ZCCHC8: variants seen among roughly 807,000 people sequenced by gnomAD.
The protein encoded by ZCCHC8 is zinc finger CCHC domain-containing protein 8.
ZCCHC8 carries 27 observed loss-of-function variants against 70.6 expected under a neutral mutation model. The ratio of observed to expected loss-of-function variants is 0.38; its 90% CI spans 0.28 to 0.53. The LOEUF (loss-of-function observed/expected upper bound fraction) is 0.53. ZCCHC8 is among the 20% of genes least tolerant of loss of function. ZCCHC8 has a pLI of 0.81. For missense variants in ZCCHC8, 737 were observed against 876.9 expected, an observed-to-expected ratio of 0.84 and a Z score of 2.01; for synonymous variants, 293 against 317.4, an observed-to-expected ratio of 0.92 and a Z score of 0.82.
Position 122,500,721 on chromosome 12 carries a change from GTCC to G in ZCCHC8, c.117_119del (p.Glu39del), listed in dbSNP as rs1375247433. On this transcript the variant is annotated inframe_deletion, in exon 1 of 14. Coordinates refer to ENST00000633063, the MANE Select transcript of ZCCHC8 (RefSeq NM_017612.5). The surrounding 1 kb of genome is among the most constrained non-coding windows in gnomAD (Gnocchi z 4.8). ...GCTCCGCGTCGCCGACCCCATTTTC[GTCC>G]TCCTCGTCGCCGTCGTCGTCCTTGA... The G allele has an allele frequency of 1.3e-6, 2 of 1,583,020 alleles. No homozygotes were observed. Among genetic ancestry groups the G allele is most frequent in the East Asian group, 4.6e-5 (2 of 43,122 alleles).
At chr12:122,491,350 G>A (rs1189577470) in intron 3 of ZCCHC8, among the ~76,000 whole-genome samples, 1 of 152,074 alleles carries the variant, frequency 6.6e-6, no homozygotes, top group African/African-American at 2.4e-5. Context: ...CCAACATGGC[G>A]AAACCCTGTC....
intron 2 of ZCCHC8, among the ~76,000 whole-genome samples, chr12:122,494,162 T>C (rs948090839): frequency 1.3e-5 from 2 of 152,166 alleles, no homozygotes; most frequent in Non-Finnish European, 2.9e-5. Flanking sequence ...GCCAGCTGAA[T>C]GTCTGATTCT....
chr12:122,498,496 T>C (rs565535041), intron 2 of ZCCHC8, among the ~76,000 whole-genome samples: 1 of 152,300 alleles, frequency 6.6e-6, no homozygotes, highest in South Asian at 2.1e-4. Flanking sequence ...CCAGCCAATA[T>C]TGTAATCTTA....
At chr12:122,495,582 G>A (rs1242149126) in intron 2 of ZCCHC8, among the ~76,000 whole-genome samples, 1 of 152,012 alleles carries the variant, frequency 6.6e-6, no homozygotes, top group Non-Finnish European at 1.5e-5. Flanking sequence ...GGGCACGATG[G>A]CTCATGCCCG....
chr12:122,492,842 TACGTATATATAA>T (rs1957771257), intron 2 of ZCCHC8, 53 bp from the exon 3 acceptor site: 1 of 1,180,020 alleles, frequency 8.5e-7, no homozygotes, highest in Non-Finnish European at 1.2e-6. Flanking sequence ...AAAACTTGCA[TACGTATATATAA>T]ACGCATAACT....
Position 122,483,948 on chromosome 12 carries a change from C to T in ZCCHC8, c.502-385G>A, listed in dbSNP as rs1010035712. 1 of 171,942 alleles carries T rather than the reference C, an allele frequency of 5.8e-6. No homozygotes were observed. The highest frequency in any genetic ancestry group is 1.2e-5 in the Non-Finnish European group (1 of 80,550). 10.7% of individuals were successfully genotyped at this position (171,942 alleles called of 1,614,324 possible). On this transcript the variant is annotated intron_variant, in intron 5 of 13. Coordinates refer to ENST00000633063, the MANE Select transcript of ZCCHC8 (RefSeq NM_017612.5). This position sits in a 1 kb window ranked among gnomAD's most constrained non-coding sequence, Gnocchi z 4.4. The stretch of plus-strand genomic sequence containing the variant: ...CCCATTTACTCTTTTCTTATCCCTC[C>T]AGTTCTTTTTGAAAAAATTCCATAC...
chr12:122,473,912 C>T lies in ZCCHC8; in HGVS notation c.1709G>A (p.Gly570Glu). The T allele has an allele frequency of 1.2e-6, 2 of 1,613,818 alleles. No homozygotes were observed. Among genetic ancestry groups the T allele is most frequent in the East Asian group, 2.2e-5 (1 of 44,882 alleles). Residue 570 changes from glycine to glutamate, a missense_variant, in exon 14 of 14, where the codon GGA (glycine) becomes GAA (glutamate). Coordinates refer to ENST00000633063, the MANE Select transcript of ZCCHC8 (RefSeq NM_017612.5). Reference sequence around the variant, plus strand: ...CAGCGTCTGCTTTTCAGATGTTTTTCCCTCCGGGACAGGGAGGTCTAGCTC... The same window carrying T: ...CAGCGTCTGCTTTTCAGATGTTTTTTCCTCCGGGACAGGGAGGTCTAGCTC... Reference protein sequence around the residue: ...PNELDLPVPEGKTSEKQTLDE... With the variant: ...PNELDLPVPEEKTSEKQTLDE...
At chr12:122,487,403 A>G (rs751723507) in intron 5 of ZCCHC8, among the ~76,000 whole-genome samples, 1 of 152,230 alleles carries the variant, frequency 6.6e-6, no homozygotes, top group Non-Finnish European at 1.5e-5. Context: ...CCAGAACCTT[A>G]GGGTCAGAAG....
chr12:122,475,941 C>A (rs1957408957), intron 13 of ZCCHC8, among the ~76,000 whole-genome samples: 1 of 152,220 alleles, frequency 6.6e-6, no homozygotes, highest in African/African-American at 2.4e-5. Flanking sequence ...ATCTGCACTT[C>A]CCTCTGTCTC....
At position 122,481,941 on chromosome 12, in the gene ZCCHC8, G is replaced by C; in HGVS notation, c.875+4C>G. 6.2e-7 allele frequency: 1 copy of C among 1,611,374 alleles called. No homozygotes were observed. Among genetic ancestry groups the C allele is most frequent in the Non-Finnish European group, 8.5e-7 (1 of 1,178,972 alleles). ...GACCTTCTATGGTAAAATGCCATTA[G>C]TACCTAATAACTCCTGGCTTGAATC... On this transcript the variant is annotated splice_donor_region_variant and intron_variant, in intron 9 of 13. Coordinates refer to ENST00000633063, the MANE Select transcript of ZCCHC8 (RefSeq NM_017612.5).
At chr12:122,495,863 A>G (rs1343146960) in intron 2 of ZCCHC8, among the ~76,000 whole-genome samples, 4 of 12,838 alleles carry the variant, frequency 3.1e-4, no homozygotes, top group East Asian at 7.0e-3. Context: ...AAAAAAAAAA[A>G]AAAAAAAAAA....
chr12:122,485,620 C>T (rs1957619020), intron 5 of ZCCHC8, among the ~76,000 whole-genome samples: 1 of 152,032 alleles, frequency 6.6e-6, no homozygotes, highest in Admixed American at 6.6e-5. Flanking sequence ...CTAGCCCCCT[C>T]CAAACCTGCT....
In ZCCHC8 at chr12:122,500,848, T is replaced by G. The variant is rs1268295662; in HGVS notation, c.-8A>C. The G allele has an allele frequency of 9.0e-6, 14 of 1,561,798 alleles. No homozygotes were observed. The highest frequency in any genetic ancestry group is 1.2e-5 in the Non-Finnish European group (14 of 1,153,370). On this transcript the variant is annotated 5_prime_UTR_variant, in exon 1 of 14. Coordinates refer to ENST00000633063, the MANE Select transcript of ZCCHC8 (RefSeq NM_017612.5). This position sits in a 1 kb window ranked among gnomAD's most constrained non-coding sequence, Gnocchi z 4.8. The stretch of plus-strand genomic sequence containing the variant: ...ATACACCTCTGCGGCCATTTTGGGC[T>G]GTGGAAAAGATTCGAGAAGAGGCGG...
intron 11 of ZCCHC8, 38 bp from the exon 12 acceptor site, chr12:122,478,330 A>G (rs1593314757): frequency 2.8e-6 from 4 of 1,440,678 alleles, no homozygotes; most frequent in Non-Finnish European, 3.8e-6. Context: ...AAACACATGT[A>G]TTTGGAAAAT....
intron 13 of ZCCHC8, 122 bp from the exon 14 acceptor site, chr12:122,474,397 G>T: frequency 1.1e-6 from 1 of 914,898 alleles, no homozygotes; most frequent in Non-Finnish European, 1.5e-6. Context: ...GGCTTAACAT[G>T]AGGGAAATTC....
intron 4 of ZCCHC8, 30 bp downstream of exon 4, chr12:122,490,432 T>C (rs771310119): frequency 2.7e-5 from 42 of 1,550,610 alleles, no homozygotes; most frequent in Non-Finnish European, 3.7e-5. Context: ...CATAACTTAC[T>C]AATCTTAAAG....
At chr12:122,489,006 C>G (rs1957695069) in intron 5 of ZCCHC8, among the ~76,000 whole-genome samples, 1 of 152,160 alleles carries the variant, frequency 6.6e-6, no homozygotes, top group Admixed American at 6.6e-5. Context: ...TGTTTTTCAC[C>G]CACCATTTGA....
chr12:122,479,980 TTTA>T (rs1362591148), intron 11 of ZCCHC8, among the ~76,000 whole-genome samples: 1 of 152,134 alleles, frequency 6.6e-6, no homozygotes, highest in African/African-American at 2.4e-5. Flanking sequence ...TTGGCTAGTT[TTTA>T]AATTTTTTCA....
chr12:122,499,478 G>A (rs1340035975), intron 1 of ZCCHC8: 2 of 153,370 alleles, frequency 1.3e-5, no homozygotes, highest in Non-Finnish European at 1.4e-5. Flanking sequence ...ATGTTGGCCA[G>A]GCTGACCTCC....
Sources: gnomAD v4.1 joint callset for allele counts (sites outside exome capture counted in the v4.1 genomes callset) on GRCh38, gnomAD v4.1.1 for gene constraint, Gnocchi (gnomAD v3.1) non-coding constraint, MANE v1.5 for transcripts, NCBI Gene and HGNC (gene_info 2026-07-23, HGNC 2026-07-21) for gene names.